The following C2orf76 variants were observed in gnomAD, a reference collection of about 807,000 sequenced individuals.
The protein encoded by C2orf76 is UPF0538 protein C2orf76.
In C2orf76, 23 loss-of-function variants were observed where a neutral mutation model predicts 16.9. That is an observed-to-expected ratio of 1.36 (90% CI 0.98 to 1.93). The LOEUF (loss-of-function observed/expected upper bound fraction) is 1.93. Among genes scored for constraint, C2orf76 ranks in the 30% most tolerant of loss-of-function variants. The probability of loss-of-function intolerance (pLI) is 0.00; values close to 1 mark genes in which losing one functional copy is unlikely to be tolerated. For missense variants in C2orf76, 152 were observed against 152.6 expected, an observed-to-expected ratio of 1.00 and a Z score of 0.02; for synonymous variants, 48 against 52.3, an observed-to-expected ratio of 0.92 and a Z score of 0.35.
At chr2:119,362,750 T>A (rs1231894250) in intron 1 of C2orf76, among the ~76,000 whole-genome samples, 1 of 152,066 alleles carries the variant, frequency 6.6e-6, no homozygotes, top group Non-Finnish European at 1.5e-5. Context: ...TACTTCCCTA[T>A]CAGAATCTTC....
chr2:119,366,105 CA>C (rs1437346467), intron 1 of C2orf76, among the ~76,000 whole-genome samples: 1 of 152,036 alleles, frequency 6.6e-6, no homozygotes, highest in African/African-American at 2.4e-5. Flanking sequence ...TATAAACTTC[CA>C]ACTCTCTAAG....
At chr2:119,321,507 G>A (rs1679341585) in intron 2 of C2orf76, among the ~76,000 whole-genome samples, 1 of 152,150 alleles carries the variant, frequency 6.6e-6, no homozygotes, top group Non-Finnish European at 1.5e-5. Context: ...CGCCAGGCAA[G>A]AGGGTCTGTG....
intron 1 of C2orf76, among the ~76,000 whole-genome samples, chr2:119,345,811 C>G (rs1302101034): frequency 6.6e-6 from 1 of 152,048 alleles, no homozygotes; most frequent in South Asian, 2.1e-4. Flanking sequence ...CCTGTAATCC[C>G]AGCACTTTGG....
chr2:119,360,399 C>T (rs2104651844), intron 1 of C2orf76, among the ~76,000 whole-genome samples: 1 of 150,536 alleles, frequency 6.6e-6, no homozygotes, highest in African/African-American at 2.4e-5. Context: ...ATCGCTTGAA[C>T]CTGGGAGGCA....
At chr2:119,308,659 A>AAAAAC (rs1678876886) in intron 5 of C2orf76, among the ~76,000 whole-genome samples, 1 of 152,156 alleles carries the variant, frequency 6.6e-6, no homozygotes, top group Non-Finnish European at 1.5e-5. Flanking sequence ...AAACAAAAAC[A>AAAAAC]AAAAAACCCA....
intron 2 of C2orf76, among the ~76,000 whole-genome samples, chr2:119,323,337 T>A (rs767096091): frequency 2.0e-5 from 3 of 152,154 alleles, no homozygotes; most frequent in Non-Finnish European, 4.4e-5. Flanking sequence ...TGGGTTTTTT[T>A]AAAATGCTTT....
intron 1 of C2orf76, among the ~76,000 whole-genome samples, chr2:119,343,133 A>T (rs1680088733): frequency 6.6e-6 from 1 of 152,154 alleles, no homozygotes; most frequent in Non-Finnish European, 1.5e-5. Flanking sequence ...GAATCTTATA[A>T]GCATGTTTTG....
downstream of C2orf76, among the ~76,000 whole-genome samples, chr2:119,301,040 ATCT>A (rs1035612423): frequency 5.6e-4 from 85 of 150,454 alleles, no homozygotes; most frequent in African/African-American, 1.8e-3. Context: ...TTCCCATTCA[ATCT>A]TCTAAGACAC....
chr2:119,304,469 G>A (rs1255820106), intron 5 of C2orf76, among the ~76,000 whole-genome samples: 1 of 152,182 alleles, frequency 6.6e-6, no homozygotes, highest in Admixed American at 6.5e-5. Flanking sequence ...TTGACACATA[G>A]GTTCTTTTGG....
At chr2:119,289,800 C>A in the C2orf76 span, among the ~76,000 whole-genome samples, 2 of 151,872 alleles carry the variant, frequency 1.3e-5, no homozygotes, top group African/African-American at 4.8e-5. Flanking sequence ...TGTCTCAGGC[C>A]CCGCTCGTAG....
At position 119,307,659 on chromosome 2, in the gene C2orf76, G is replaced by A. The variant is rs149657238; in HGVS notation, c.304+3963C>T. On this transcript the variant is annotated intron_variant, in intron 5 of 5. Transcript: ENST00000334816. The stretch of plus-strand genomic sequence containing the variant: ...AGGGTTGCTGGCTTGCCGGAGTTCG[G>A]AGTTAGGAGTTCGGAGGGCAGTTTG... 8.1e-4 allele frequency among the ~76,000 whole-genome samples: 124 copies of A among 152,158 alleles called. 1 individual carries two copies. Among genetic ancestry groups the A allele is most frequent in the Non-Finnish European group, 1.4e-3 (98 of 68,014 alleles).
At chr2:119,344,716 T>C (rs76794411) in intron 1 of C2orf76, among the ~76,000 whole-genome samples, 207 of 152,252 alleles carry the variant, frequency 1.4e-3, no homozygotes, top group Middle Eastern at 3.4e-3. Context: ...AACTGTTACA[T>C]AGGAAAAAGC....
At chr2:119,345,336 G>A (rs1211454426) in intron 1 of C2orf76, among the ~76,000 whole-genome samples, 4 of 152,194 alleles carry the variant, frequency 2.6e-5, no homozygotes, top group East Asian at 1.9e-4. Context: ...AAGAAAAATT[G>A]AAAACTGGCC....
Position 119,321,205 on chromosome 2 carries a change from C to T in C2orf76, c.134-1G>A. On this transcript the variant is annotated splice_acceptor_variant, in intron 2 of 5. Coordinates refer to ENST00000334816, the MANE Select transcript of C2orf76 (RefSeq NM_001322331.2). LOFTEE classifies it high-confidence loss of function. ...GGCAGGTTGGTCCTTAAAGGGATAT[C>T]TACAAGAGAAAGATTATTTTTTTAC... 1 of 1,360,014 alleles carries T rather than the reference C, an allele frequency of 7.4e-7. No individual in the cohort carries two copies. The highest frequency in any genetic ancestry group is 1.0e-6 in the Non-Finnish European group (1 of 986,840). The allele number at this position is 1,360,014 out of a possible 1,614,324, so 84.2% of individuals were successfully genotyped here.
chr2:119,356,844 G>C (rs1680586643), intron 1 of C2orf76, among the ~76,000 whole-genome samples: 1 of 151,834 alleles, frequency 6.6e-6, no homozygotes, highest in Non-Finnish European at 1.5e-5. Context: ...ATAGCGAAAG[G>C]ATAATAAGGG....
At chr2:119,332,210 G>A (rs72829487) in intron 2 of C2orf76, among the ~76,000 whole-genome samples, 12,549 of 151,962 alleles carry the variant, frequency 0.083, 658 homozygotes, top group African/African-American at 0.14. Flanking sequence ...AATAGAAGTG[G>A]TACAATTTGT....
the C2orf76 span, among the ~76,000 whole-genome samples, chr2:119,294,681 A>G: frequency 3.9e-3 from 598 of 152,120 alleles, 5 homozygotes; most frequent in African/African-American, 0.014. Context: ...CTCAGAGTTG[A>G]GGGTCTAAAG....
chr2:119,303,205 C>T (rs901899001), intron 5 of C2orf76, among the ~76,000 whole-genome samples: 2 of 152,166 alleles, frequency 1.3e-5, no homozygotes, highest in Admixed American at 6.5e-5. Flanking sequence ...GCTAAAGGAC[C>T]CATGAAGGTT....
chr2:119,355,751 T>C (rs1372680160), intron 1 of C2orf76, among the ~76,000 whole-genome samples: 1 of 151,994 alleles, frequency 6.6e-6, no homozygotes, highest in Non-Finnish European at 1.5e-5. Flanking sequence ...TACCACCCCA[T>C]CCATGAAAAA....
Sources: allele counts gnomAD v4.1 joint callset (sites outside exome capture counted in the v4.1 genomes callset), GRCh38; gene constraint gnomAD v4.1.1; transcripts MANE v1.5; gene names NCBI Gene and HGNC (gene_info 2026-07-23, HGNC 2026-07-21).